FOXP1: variants seen among roughly 807,000 people sequenced by gnomAD.
FOXP1 encodes forkhead box protein P1.
A neutral mutation model predicts 98.2 loss-of-function variants in FOXP1; 15 were observed. That is an observed-to-expected ratio of 0.15 (90% CI 0.10 to 0.24). The LOEUF is 0.24. Among genes scored for constraint, FOXP1 ranks in the 10% least tolerant of loss-of-function variants. The probability of loss-of-function intolerance (pLI) is 1.00; values close to 1 mark genes in which losing one functional copy is unlikely to be tolerated. For missense variants in FOXP1, 633 were observed against 848.5 expected, an observed-to-expected ratio of 0.75 and a Z score of 3.15; for synonymous variants, 371 against 314.5, an observed-to-expected ratio of 1.18 and a Z score of -1.90.
At chr3:71,250,706 A>G (rs2068115329) in intron 5 of FOXP1, among the ~76,000 whole-genome samples, 1 of 152,202 alleles carries the variant, frequency 6.6e-6, no homozygotes, top group Non-Finnish European at 1.5e-5. Context: ...TGAGGTGGGC[A>G]GATCACCTGA....
chr3:71,409,694 T>TA (rs2082590520), intron 3 of FOXP1, among the ~76,000 whole-genome samples: 1 of 152,176 alleles, frequency 6.6e-6, no homozygotes, highest in Non-Finnish European at 1.5e-5. Context: ...TTAGGGGTTT[T>TA]AACTCTGGGG....
chr3:71,134,791 GA>G (rs2059738168), intron 6 of FOXP1, among the ~76,000 whole-genome samples: 1 of 152,178 alleles, frequency 6.6e-6, no homozygotes, highest in Admixed American at 6.5e-5. Flanking sequence ...TTAAAGCTAT[GA>G]AAACTTTAAC....
intron 3 of FOXP1, among the ~76,000 whole-genome samples, chr3:71,387,034 A>C (rs1256211900): frequency 6.6e-6 from 1 of 152,136 alleles, no homozygotes; most frequent in Non-Finnish European, 1.5e-5. Flanking sequence ...GAGCACCAAG[A>C]TTTTTAGACT....
At chr3:71,455,916 C>T (rs2087444139) in intron 3 of FOXP1, among the ~76,000 whole-genome samples, 2 of 152,172 alleles carry the variant, frequency 1.3e-5, no homozygotes, top group Admixed American at 6.5e-5. Flanking sequence ...TTCCACTTTT[C>T]AGTTTAAAGT....
intron 4 of FOXP1, chr3:71,302,752 T>C (rs1478236219): frequency 6.6e-6 from 1 of 152,160 alleles, no homozygotes; most frequent in Non-Finnish European, 1.5e-5. Flanking sequence ...ACACCAGAAT[T>C]GTTCCATGGC....
intron 17 of FOXP1, among the ~76,000 whole-genome samples, chr3:70,976,420 G>A (rs971437713): frequency 3.9e-5 from 6 of 152,150 alleles, no homozygotes; most frequent in African/African-American, 9.7e-5. Context: ...AATACATTGT[G>A]TTCTCCATTA....
At chr3:71,389,306 C>T (rs1440846930) in intron 3 of FOXP1, among the ~76,000 whole-genome samples, 2 of 132,746 alleles carry the variant, frequency 1.5e-5, no homozygotes, top group East Asian at 4.7e-4. Context: ...AAAACTGAGG[C>T]TTTCCTACAA....
chr3:71,404,369 C>T (rs548720434), intron 3 of FOXP1, among the ~76,000 whole-genome samples: 6 of 150,760 alleles, frequency 4.0e-5, no homozygotes, highest in African/African-American at 1.5e-4. Flanking sequence ...TCAGTTGATC[C>T]GCCCACCTCA....
At chr3:71,486,734 A>G (rs1342678063) in intron 3 of FOXP1, among the ~76,000 whole-genome samples, 1 of 152,224 alleles carries the variant, frequency 6.6e-6, no homozygotes, top group East Asian at 1.9e-4. Flanking sequence ...CAGCCTGCAT[A>G]TAAACTGAAT....
intron 3 of FOXP1, among the ~76,000 whole-genome samples, chr3:71,389,035 CT>C (rs974621258): frequency 8.6e-5 from 13 of 151,988 alleles, no homozygotes; most frequent in Non-Finnish European, 1.6e-4. Context: ...TTCTCAGAAT[CT>C]TTATCTCTAT....
intron 18 of FOXP1, chr3:70,971,981 A>G: frequency 7.4e-7 from 1 of 1,357,900 alleles, no homozygotes; most frequent in Non-Finnish European, 9.5e-7. Flanking sequence ...ACAGCAGAAA[A>G]AAAAAACAAA....
intron 5 of FOXP1, among the ~76,000 whole-genome samples, chr3:71,266,156 T>G (rs1225470858): frequency 2.0e-5 from 3 of 152,156 alleles, no homozygotes; most frequent in African/African-American, 4.8e-5. Context: ...TCTGGAAATG[T>G]GACAGCCTTG....
At chr3:71,343,829 C>G (rs1183965458) in intron 4 of FOXP1, among the ~76,000 whole-genome samples, 1 of 152,138 alleles carries the variant, frequency 6.6e-6, no homozygotes, top group Non-Finnish European at 1.5e-5. Context: ...TCACGCCTGG[C>G]GTTCAATTAG....
intron 6 of FOXP1, among the ~76,000 whole-genome samples, chr3:71,193,001 C>T (rs1300915183): frequency 6.6e-6 from 1 of 152,082 alleles, no homozygotes; most frequent in Non-Finnish European, 1.5e-5. Context: ...TACCCTCCTC[C>T]CCCACTTAAA....
At chr3:71,225,041 A>G (rs1055550370) in intron 5 of FOXP1, among the ~76,000 whole-genome samples, 4 of 152,218 alleles carry the variant, frequency 2.6e-5, no homozygotes, top group Admixed American at 6.5e-5. Flanking sequence ...CTTCAAAACC[A>G]CACTCAAGGA....
At chr3:71,540,630 T>A (rs1178669954) in intron 2 of FOXP1, among the ~76,000 whole-genome samples, 1 of 152,236 alleles carries the variant, frequency 6.6e-6, no homozygotes, top group Non-Finnish European at 1.5e-5. Flanking sequence ...AGTATTATTA[T>A]CATCACGATT....
intron 2 of FOXP1, among the ~76,000 whole-genome samples, chr3:71,516,411 T>C (rs1211357147): frequency 6.6e-6 from 1 of 152,244 alleles, no homozygotes; most frequent in African/African-American, 2.4e-5. Flanking sequence ...AATTCTTGCA[T>C]TATTCTTGCA....
intron 7 of FOXP1, among the ~76,000 whole-genome samples, chr3:71,058,567 C>A: frequency 7.4e-6 from 1 of 134,472 alleles, no homozygotes; most frequent in African/African-American, 2.8e-5. Flanking sequence ...ACAACAAAAC[C>A]AAACAGAGAA....
chr3:70,957,777 T>C lies in FOXP1; in HGVS notation c.*1470A>G. The C allele has an allele frequency of 8.5e-6, 2 of 233,988 alleles. No homozygotes were observed. Among genetic ancestry groups the C allele is most frequent in the Non-Finnish European group, 1.7e-5 (2 of 118,278 alleles). 14.5% of individuals were successfully genotyped at this position (233,988 alleles called of 1,614,324 possible). ...TGATACTGGGTTGGTGATATAATAT[T>C]GCATAACAAACTGCAGTACCAAATT... On this transcript the variant is annotated 3_prime_UTR_variant, in exon 21 of 21. Coordinates refer to ENST00000649528, the MANE Select transcript of FOXP1 (RefSeq NM_001349338.3).
Sources: gnomAD v4.1 joint callset for allele counts (sites outside exome capture counted in the v4.1 genomes callset) on GRCh38, gnomAD v4.1.1 for gene constraint, MANE v1.5 for transcripts, NCBI Gene and HGNC (gene_info 2026-07-23, HGNC 2026-07-21) for gene names.